Variants in OSBP2 observed in about 807,000 individuals in gnomAD.
OSBP2 encodes oxysterol-binding protein 2.
Under a neutral mutation model 96.0 loss-of-function variants are expected in OSBP2, and 66 were observed. That is an observed-to-expected ratio of 0.69 (90% confidence interval 0.56 to 0.84). OSBP2 has a LOEUF of 0.84. Ranked by LOEUF, OSBP2 falls within the 40% of genes least tolerant of loss-of-function variation. The pLI is 0.00. For missense variants in OSBP2, 1,038 were observed against 1,222.7 expected, an observed-to-expected ratio of 0.85 and a Z score of 2.25; for synonymous variants, 525 against 520.9, an observed-to-expected ratio of 1.01 and a Z score of -0.11.
At chr22:30,873,471 C>G (rs966054237) in intron 3 of OSBP2, among the ~76,000 whole-genome samples, 1 of 152,146 alleles carries the variant, frequency 6.6e-6, no homozygotes, top group African/African-American at 2.4e-5. Flanking sequence ...AAGCCAGGGA[C>G]TTGGATATGG....
At chr22:30,789,566 A>G (rs2090643717) in intron 2 of OSBP2, among the ~76,000 whole-genome samples, 1 of 152,238 alleles carries the variant, frequency 6.6e-6, no homozygotes, top group Non-Finnish European at 1.5e-5. Flanking sequence ...CTTACAGAGC[A>G]TATAAAAATC....
rs572739277 is a variant in OSBP2 at position 30,854,050 on chromosome 22, C to T, written c.854-16379C>T. 4.6e-5 allele frequency among the ~76,000 whole-genome samples: 7 copies of T among 152,242 alleles called. No homozygotes were observed. The South Asian group carries it at 6.2e-4, about 14-fold the overall frequency. Reference sequence around the variant, plus strand: ...CAGGGATTACAGGTGTGAGCCACTGCGCCAGGCCTCACCTCTCTTTTCTTA... The same window carrying T: ...CAGGGATTACAGGTGTGAGCCACTGTGCCAGGCCTCACCTCTCTTTTCTTA... On this transcript the variant is annotated intron_variant, in intron 2 of 13. Coordinates refer to ENST00000332585, the MANE Select transcript of OSBP2 (RefSeq NM_030758.4).
intron 1 of OSBP2, among the ~76,000 whole-genome samples, chr22:30,726,486 G>A (rs1268513980): frequency 6.6e-6 from 1 of 152,040 alleles, no homozygotes; most frequent in Non-Finnish European, 1.5e-5. Flanking sequence ...GTCAGAGGGT[G>A]GGGACAAGGA....
chr22:30,724,748 C>T (rs954030830), intron 1 of OSBP2, among the ~76,000 whole-genome samples: 4 of 152,260 alleles, frequency 2.6e-5, no homozygotes, highest in South Asian at 2.1e-4. Flanking sequence ...AGTCCAGGTC[C>T]GTGTCTCATG....
chr22:30,792,193 A>C (rs1448673602), intron 2 of OSBP2, among the ~76,000 whole-genome samples: 3 of 152,036 alleles, frequency 2.0e-5, no homozygotes, highest in Non-Finnish European at 2.9e-5. Flanking sequence ...CATGCCTGTA[A>C]TCCCACCTAC....
Position 30,870,776 on chromosome 22 carries a change from C to T in OSBP2, c.1107+94C>T, listed in dbSNP as rs374684666. 15 of 1,336,518 alleles carry T rather than the reference C, an allele frequency of 1.1e-5. No homozygotes were observed. Among genetic ancestry groups the T allele is most frequent in the East Asian group, 2.3e-5 (1 of 42,918 alleles). 82.8% of individuals were successfully genotyped at this position (1,336,518 alleles called of 1,614,324 possible). A position where few individuals can be genotyped will look rare whatever the true frequency, so the allele number is the denominator to read the frequency against. ...GACCAGGGTCAGCTTGAAGGGTCAG[C>T]GTTCCATTTCCTGCGGTTCCACGGT... On this transcript the variant is annotated intron_variant, in intron 3 of 13. Transcript: ENST00000332585. The surrounding 1 kb of genome is among the most constrained non-coding windows in gnomAD (Gnocchi z 4.1).
chr22:30,816,526 C>T lies in OSBP2; in HGVS notation c.854-53903C>T, dbSNP rs142059627. Among the ~76,000 whole-genome samples the T allele has an allele frequency of 4.2e-4, 64 of 152,286 alleles. No individual in the cohort carries two copies. The East Asian group carries it at 0.012, about 28-fold the overall frequency. On this transcript the variant is annotated intron_variant, in intron 2 of 13. Transcript: ENST00000332585. ...CAGGTAGCCTGGCCCACCAGCAGGC[C>T]GCCCTTTCCAAATGCATGTGCAGGG...
At chr22:30,831,388 T>C (rs969955975) in intron 2 of OSBP2, among the ~76,000 whole-genome samples, 1 of 152,206 alleles carries the variant, frequency 6.6e-6, no homozygotes, top group African/African-American at 2.4e-5. Context: ...CTCCTGCCAT[T>C]GTGTGGAAAA....
intron 2 of OSBP2, chr22:30,764,198 C>A: frequency 1.0e-6 from 1 of 974,392 alleles, no homozygotes. Context: ...TAACTCTATT[C>A]TGATATCACA....
Position 30,893,667 on chromosome 22 carries a change from G to A in OSBP2, c.2124G>A (p.Lys708=), listed in dbSNP as rs766029598. 67 of 1,614,084 alleles carry A rather than the reference G, an allele frequency of 4.2e-5. No individual in the cohort carries two copies. The Admixed American group carries it at 5.3e-4, about 13-fold the overall frequency. Residue 708 remains lysine (K), a synonymous_variant, in exon 11 of 14, where the codon AAG becomes AAA. Coordinates refer to ENST00000332585, the MANE Select transcript of OSBP2 (RefSeq NM_030758.4). ...QSGDIEIVNH[K]TNDRCQLKFL... is the part of the protein sequence containing the mutation. ...GGGACATCGAGATTGTGAACCATAA[G>A]ACCAATGACCGGTGCCAGCTGAAGT...
chr22:30,849,519 T>C (rs1394027772), intron 2 of OSBP2, among the ~76,000 whole-genome samples: 1 of 152,224 alleles, frequency 6.6e-6, no homozygotes, highest in South Asian at 2.1e-4. Context: ...CTCTTCATGT[T>C]CTTATTAGCC....
chr22:30,787,335 C>A (rs757272236), intron 2 of OSBP2, among the ~76,000 whole-genome samples: 2 of 152,028 alleles, frequency 1.3e-5, no homozygotes, highest in Non-Finnish European at 2.9e-5. Context: ...GGGGAAGCCC[C>A]TTATAAAACC....
At chr22:30,795,912 G>T (rs1457852296) in intron 2 of OSBP2, among the ~76,000 whole-genome samples, 1 of 152,156 alleles carries the variant, frequency 6.6e-6, no homozygotes, top group East Asian at 1.9e-4. Flanking sequence ...AATGCTCCAT[G>T]TATTCATCCA....
intron 12 of OSBP2, 117 bp from the exon 13 acceptor site, chr22:30,905,720 G>A: frequency 7.0e-7 from 1 of 1,430,142 alleles, no homozygotes. Flanking sequence ...CCTGGACGCG[G>A]GGAGCTGGAG....
In OSBP2 at chr22:30,796,348, A is replaced by G. The variant is rs550093275; in HGVS notation, c.853+54979A>G. 5.3e-5 allele frequency among the ~76,000 whole-genome samples: 8 copies of G among 152,240 alleles called. No individual in the cohort carries two copies. The South Asian group carries it at 1.7e-3, about 32-fold the overall frequency. On this transcript the variant is annotated intron_variant, in intron 2 of 13. Transcript: ENST00000332585. ...TTTTTCTTGCTTTTACTCCTTATGA[A>G]TCTCAAGTTTTAGAACATTGTAAAC...
At position 30,860,666 on chromosome 22, in the gene OSBP2, ACAGGGTGAGT is replaced by A. The variant is rs1218279092; in HGVS notation, c.854-9762_854-9753del. On this transcript the variant is annotated intron_variant, in intron 2 of 13. Transcript: ENST00000332585. ...ACCTTGGGGTGAAACTCAAACCTAC[ACAGGGTGAGT>A]GAGTGAGCCCACCACAGAGCTGGAT... Among the ~76,000 whole-genome samples the A allele has an allele frequency of 2.6e-5, 4 of 152,152 alleles. No individual in the cohort carries two copies. The East Asian group carries it at 7.7e-4, about 29-fold the overall frequency.
chr22:30,752,288 CT>C (rs10691256), intron 2 of OSBP2, among the ~76,000 whole-genome samples: 194 of 48,664 alleles, frequency 4.0e-3, no homozygotes, highest in Admixed American at 7.5e-3. Context: ...CTTTGCTTTG[CT>C]TTTTTTTTTT....
rs2039431830 is a variant in OSBP2, at chr22:30,870,349, C to T, written c.854-80C>T. On this transcript the variant is annotated intron_variant, in intron 2 of 13. Coordinates refer to ENST00000332585, the MANE Select transcript of OSBP2 (RefSeq NM_030758.4). The surrounding 1 kb of genome is among the most constrained non-coding windows in gnomAD (Gnocchi z 4.1). The stretch of plus-strand genomic sequence containing the variant: ...TTTTTGAATGGCGCTATCCACCCTG[C>T]CCTGCTCGGCCTGGCTGTGCAGGCC... The T allele has an allele frequency of 2.1e-6, 3 of 1,449,498 alleles. No individual in the cohort carries two copies. Among genetic ancestry groups the T allele is most frequent in the Middle Eastern group, 1.8e-4 (1 of 5,656 alleles). The allele number at this position is 1,449,498 out of a possible 1,614,324, so 89.8% of individuals were successfully genotyped here. A position where few individuals can be genotyped will look rare whatever the true frequency, so the allele number is the denominator to read the frequency against.
upstream of OSBP2, chr22:30,694,257 G>C (rs79925406): frequency 2.0e-3 from 3,096 of 1,549,748 alleles, 38 homozygotes; most frequent in African/African-American, 0.031. Context: ...GGCATGAACC[G>C]TAGGCCAGCT....
Sources: gnomAD v4.1 joint callset for allele counts (sites outside exome capture counted in the v4.1 genomes callset) on GRCh38, gnomAD v4.1.1 for gene constraint, Gnocchi (gnomAD v3.1) non-coding constraint, MANE v1.5 for transcripts, NCBI Gene and HGNC (gene_info 2026-07-23, HGNC 2026-07-21) for gene names.